The following ZC4H2 variants were observed in gnomAD, a reference collection of about 807,000 sequenced individuals.
ZC4H2 encodes the protein zinc finger C4H2 domain-containing protein.
For synonymous variants in ZC4H2, 84 were observed against 66.3 expected (o/e 1.27, Z -1.30); for missense variants, 137 against 173.9 (o/e 0.79, Z 1.19).
At chrX:64,980,145 G>T (rs1214189663), upstream of ZC4H2, among the ~76,000 whole-genome samples, 1 of 112,087 alleles carries the variant, frequency 8.9e-6, no homozygotes, top group Admixed American at 9.4e-5. Context: ...ATTTCTAAGA[G>T]AAAAGTGAGC....
At chrX:64,931,702 G>C (rs1929753540) in intron 1 of ZC4H2, among the ~76,000 whole-genome samples, 1 of 111,234 alleles carries the variant, frequency 9.0e-6, no homozygotes, top group Non-Finnish European at 1.9e-5. Context: ...TTATTCCCCT[G>C]TGGTCTGAGA....
intron 1 of ZC4H2, among the ~76,000 whole-genome samples, chrX:64,934,758 A>C (rs1228625990): frequency 9.0e-6 from 1 of 111,603 alleles, no homozygotes; most frequent in African/African-American, 3.3e-5. Flanking sequence ...TCCATCTCCC[A>C]GCCAAGGGAA....
intron 1 of ZC4H2, among the ~76,000 whole-genome samples, chrX:65,013,660 G>T (rs1416404252): frequency 9.0e-6 from 1 of 111,233 alleles, no homozygotes; most frequent in African/African-American, 3.3e-5. Context: ...ACGACCATCT[G>T]AACTTGAAAG....
chrX:64,998,802 T>C (rs910197835), intron 1 of ZC4H2, among the ~76,000 whole-genome samples: 1 of 111,026 alleles, frequency 9.0e-6, no homozygotes, highest in Non-Finnish European at 1.9e-5. Context: ...ATTAAGTATA[T>C]AAATTTTATA....
chrX:64,965,206 G>A (rs983167758), intron 1 of ZC4H2, among the ~76,000 whole-genome samples: 2 of 111,708 alleles, frequency 1.8e-5, no homozygotes, highest in African/African-American at 6.5e-5. Flanking sequence ...AATTCAAAGC[G>A]CCTAGAATAG....
rs1175114039 is a variant in ZC4H2, at chrX:64,976,321, T to C, written c.53+4A>G. The C allele has an allele frequency of 8.3e-7, 1 of 1,211,165 alleles. No homozygotes were observed. Among genetic ancestry groups the C allele is most frequent in the African/African-American group, 1.7e-5 (1 of 57,754 alleles). On this transcript the variant is annotated splice_donor_region_variant and intron_variant, in intron 1 of 4. Transcript: ENST00000374839. ...GGCGGGGAGGGGGACAACGTGCCAC[T>C]TACCTGATCTCTTTAATGCTTTCCA...
At chrX:64,942,815 C>A (rs773141379) in intron 1 of ZC4H2, among the ~76,000 whole-genome samples, 163 of 111,867 alleles carry the variant, frequency 1.5e-3, no homozygotes, top group Non-Finnish European at 2.8e-3. Context: ...CTTTATAGTA[C>A]AATGATTTAG....
chrX:64,924,685 A>G (rs1929351921), intron 1 of ZC4H2, among the ~76,000 whole-genome samples: 1 of 111,612 alleles, frequency 9.0e-6, no homozygotes, highest in Non-Finnish European at 1.9e-5. Flanking sequence ...TGGTGAGTGC[A>G]GGTGGGCACA....
chrX:64,954,384 T>TATATATATATATATATA (rs1569215186), intron 1 of ZC4H2, among the ~76,000 whole-genome samples: 1 of 71,456 alleles, frequency 1.4e-5, no homozygotes, highest in African/African-American at 1.3e-4. Context: ...TTATATATAT[T>TATATATATATATATATA]TATAATTATA....
In ZC4H2 at chrX:64,921,979, G is replaced by A. The variant is rs146548849; in HGVS notation, c.63C>T (p.Thr21=). The change falls in exon 2 of 5, where the codon ACC becomes ACT. Residue 21 remains threonine (T), a synonymous_variant. Coordinates refer to ENST00000374839, the MANE Select transcript of ZC4H2 (RefSeq NM_018684.4). ...GAGCCTTGATCTTCTCCATCTGCAG[G>A]GTCTTGTTCCTGCAATTTGCAAAAA... ...LESIKEIRNK[T]LQMEKIKARL... is the part of the protein sequence containing the mutation. 275 of 1,206,249 alleles carry A rather than the reference G, an allele frequency of 2.3e-4. No individual in the cohort carries two copies. Among genetic ancestry groups the A allele is most frequent in the Non-Finnish European group, 2.9e-4 (260 of 894,279 alleles).
intron 1 of ZC4H2, among the ~76,000 whole-genome samples, chrX:64,946,989 A>T (rs949890508): frequency 2.7e-5 from 3 of 110,411 alleles, no homozygotes; most frequent in Non-Finnish European, 3.8e-5. Context: ...AGTGCTGTTA[A>T]TTTTTTTCAT....
chrX:64,951,717 T>A (rs1265818414), intron 1 of ZC4H2, among the ~76,000 whole-genome samples: 1 of 110,602 alleles, frequency 9.0e-6, no homozygotes, highest in Non-Finnish European at 1.9e-5. Flanking sequence ...GTCAGATGAG[T>A]AGGTTGCAAA....
Position 65,000,388 on chromosome X carries a change from C to T in ZC4H2, c.-272+34241G>A, listed in dbSNP as rs1472134493. On this transcript the variant is annotated intron_variant, in intron 1 of 4. Transcript: ENST00000337990. ...AACAAAAAGAAAGGAATAGCATCAA[C>T]ATCAACAAAAAAAGGACGTCCTGGC... 2.7e-5 allele frequency among the ~76,000 whole-genome samples: 3 copies of T among 112,070 alleles called. No individual in the cohort carries two copies. In the Middle Eastern group the frequency reaches 0.014, roughly 519 times the overall value.
intron 1 of ZC4H2, among the ~76,000 whole-genome samples, chrX:64,942,531 C>T (rs759347050): frequency 2.1e-5 from 2 of 96,330 alleles, no homozygotes; most frequent in Non-Finnish European, 4.1e-5. Flanking sequence ...CCTCCTTGTG[C>T]CTGTATGTTC....
At chrX:64,938,026 A>T (rs935468797) in intron 1 of ZC4H2, among the ~76,000 whole-genome samples, 1 of 112,009 alleles carries the variant, frequency 8.9e-6, no homozygotes, top group African/African-American at 3.2e-5. Flanking sequence ...ATCAAAATAG[A>T]TAGTCTGCTA....
chrX:64,942,745 A>T (rs769946492), intron 1 of ZC4H2, among the ~76,000 whole-genome samples: 1 of 111,799 alleles, frequency 8.9e-6, no homozygotes, highest in South Asian at 3.8e-4. Flanking sequence ...GGGCATTTGC[A>T]TTGGTTCCAA....
intron 1 of ZC4H2, among the ~76,000 whole-genome samples, chrX:64,960,599 C>T (rs1012381778): frequency 8.9e-6 from 1 of 111,948 alleles, no homozygotes; most frequent in Non-Finnish European, 1.9e-5. Context: ...CTTAACTATG[C>T]TTAACAGCAA....
intron 1 of ZC4H2, among the ~76,000 whole-genome samples, chrX:64,986,921 CTTTTTTT>C (rs1028871395): frequency 2.5e-5 from 2 of 79,596 alleles, no homozygotes; most frequent in Admixed American, 1.4e-4. Context: ...CAAGATAATT[CTTTTTTT>C]TTTTTTTTTT....
At chrX:64,995,931 G>A (rs946307545) in intron 1 of ZC4H2, among the ~76,000 whole-genome samples, 2 of 112,207 alleles carry the variant, frequency 1.8e-5, no homozygotes, top group African/African-American at 6.5e-5. Flanking sequence ...GATTAGCAAT[G>A]AAATATGCAA....
Sources: gnomAD v4.1 joint callset for allele counts (sites outside exome capture counted in the v4.1 genomes callset) on GRCh38, gnomAD v4.1.1 for gene constraint, MANE v1.5 for transcripts, NCBI Gene and HGNC (gene_info 2026-07-23, HGNC 2026-07-21) for gene names.